The following GRM7 variants were observed in gnomAD, a reference collection of about 807,000 sequenced individuals.
The protein encoded by GRM7 is metabotropic glutamate receptor 7.
Under a neutral mutation model 84.5 loss-of-function variants are expected in GRM7, and 35 were observed. The ratio of observed to expected loss-of-function variants is 0.41; its 90% CI spans 0.32 to 0.55. GRM7 has a LOEUF of 0.55. Ranked by LOEUF, GRM7 falls within the 20% of genes least tolerant of loss-of-function variation. GRM7 has a pLI of 0.19. For missense variants in GRM7, 1,003 were observed against 1,194.6 expected (o/e 0.84, Z 2.36); for synonymous variants, 487 against 455.1 (o/e 1.07, Z -0.89).
intron 1 of GRM7, among the ~76,000 whole-genome samples, chr3:6,968,621 T>C (rs1274323520): frequency 6.6e-6 from 1 of 152,204 alleles, no homozygotes; most frequent in African/African-American, 2.4e-5. Flanking sequence ...TATTTTAATA[T>C]TTTGTTCTCA....
In GRM7 at chr3:7,277,078, G is replaced by C. The variant is rs6788291; in HGVS notation, c.737-21606G>C. 4.0e-3 allele frequency among the ~76,000 whole-genome samples: 608 copies of C among 151,852 alleles called. 5 individuals are homozygous for C. The highest frequency in any genetic ancestry group is 0.014 in the African/African-American group (571 of 41,410). On this transcript the variant is annotated intron_variant, in intron 2 of 9. Transcript: ENST00000357716. ...TCACATGATGGAACTATTGCACATA[G>C]CCACCATTTAAATGGTTTCAGCATG...
intron 7 of GRM7, among the ~76,000 whole-genome samples, chr3:7,477,759 C>G (rs932180635): frequency 1.3e-5 from 2 of 152,122 alleles, no homozygotes; most frequent in African/African-American, 4.8e-5. Flanking sequence ...CTAGCCATTT[C>G]TCATGGGATT....
intron 1 of GRM7, among the ~76,000 whole-genome samples, chr3:6,883,024 A>G (rs867978573): frequency 6.6e-6 from 1 of 152,214 alleles, no homozygotes; most frequent in African/African-American, 2.4e-5. Flanking sequence ...TTACCTTTCT[A>G]TCAGCAATTT....
chr3:7,546,584 C>G (rs1693163767), intron 7 of GRM7, among the ~76,000 whole-genome samples: 1 of 152,328 alleles, frequency 6.6e-6, no homozygotes, highest in South Asian at 2.1e-4. Flanking sequence ...CCTTGGCTTG[C>G]CCAAGAGAAT....
At chr3:7,072,569 C>T (rs1697922112) in intron 1 of GRM7, among the ~76,000 whole-genome samples, 1 of 151,940 alleles carries the variant, frequency 6.6e-6, no homozygotes, top group Admixed American at 6.6e-5. Flanking sequence ...TACCTGCAGT[C>T]CCAGCTATTC....
chr3:7,322,426 G>C (rs1187276295), intron 4 of GRM7, among the ~76,000 whole-genome samples: 1 of 151,694 alleles, frequency 6.6e-6, no homozygotes, highest in African/African-American at 2.4e-5. Flanking sequence ...TAGTTTTTGG[G>C]GAACAGGTTT....
At chr3:7,340,044 C>G (rs573948380) in intron 4 of GRM7, among the ~76,000 whole-genome samples, 4 of 152,042 alleles carry the variant, frequency 2.6e-5, no homozygotes, top group African/African-American at 9.7e-5. Flanking sequence ...TATATTTCTT[C>G]TAACACTCAA....
chr3:7,426,098 C>G (rs12494169), intron 5 of GRM7, among the ~76,000 whole-genome samples: 77 of 74,862 alleles, frequency 1.0e-3, no homozygotes, highest in Non-Finnish European at 2.2e-3. Flanking sequence ...ATCATACGTT[C>G]TTTCTTTCTT....
intron 1 of GRM7, among the ~76,000 whole-genome samples, chr3:6,930,835 A>G (rs1697474175): frequency 1.3e-5 from 2 of 152,194 alleles, no homozygotes; most frequent in Non-Finnish European, 2.9e-5. Context: ...GTCTTTTCCT[A>G]TATTTTTGAG....
chr3:7,320,000 T>C (rs990000460), intron 4 of GRM7, among the ~76,000 whole-genome samples: 2 of 152,082 alleles, frequency 1.3e-5, no homozygotes, highest in Non-Finnish European at 2.9e-5. Flanking sequence ...TTCCATTTCC[T>C]GTCACTAATT....
At chr3:7,228,613 A>C (rs886566868) in intron 2 of GRM7, among the ~76,000 whole-genome samples, 1 of 152,316 alleles carries the variant, frequency 6.6e-6, no homozygotes, top group Middle Eastern at 3.4e-3. Context: ...ATACGGATAA[A>C]GAGAATTCTG....
chr3:7,671,403 C>G (rs541660803), intron 8 of GRM7, among the ~76,000 whole-genome samples: 2 of 152,236 alleles, frequency 1.3e-5, no homozygotes, highest in South Asian at 2.1e-4. Flanking sequence ...GAGCACAGCA[C>G]TGAGATGCAG....
chr3:7,457,939 C>T (rs1203729309), intron 6 of GRM7, among the ~76,000 whole-genome samples: 1 of 152,096 alleles, frequency 6.6e-6, no homozygotes, highest in Non-Finnish European at 1.5e-5. Context: ...GAGCTCTGAC[C>T]AAATTACAAA....
intron 1 of GRM7, among the ~76,000 whole-genome samples, chr3:6,872,442 A>T (rs1430652085): frequency 1.3e-5 from 2 of 151,924 alleles, no homozygotes; most frequent in African/African-American, 2.4e-5. Context: ...GAGTGCAAGG[A>T]TGGCTTACGG....
At chr3:7,614,721 A>G (rs976520553) in intron 8 of GRM7, among the ~76,000 whole-genome samples, 1 of 152,208 alleles carries the variant, frequency 6.6e-6, no homozygotes, top group African/African-American at 2.4e-5. Context: ...TACAATATAC[A>G]GGCATTCTTG....
intron 2 of GRM7, among the ~76,000 whole-genome samples, chr3:7,259,992 G>T (rs1698358885): frequency 8.5e-6 from 1 of 116,962 alleles, no homozygotes; most frequent in South Asian, 2.6e-4. Flanking sequence ...CCATCTGGGT[G>T]GGTGTGAGAT....
chr3:7,664,125 G>A (rs970093708), intron 8 of GRM7, among the ~76,000 whole-genome samples: 4 of 152,074 alleles, frequency 2.6e-5, no homozygotes, highest in African/African-American at 9.7e-5. Context: ...TATGTAAAAT[G>A]GTCATTTCTT....
intron 2 of GRM7, among the ~76,000 whole-genome samples, chr3:7,249,757 T>C (rs1697909563): frequency 6.6e-6 from 1 of 152,184 alleles, no homozygotes. Flanking sequence ...TGTTACAATA[T>C]AGATATAGCT....
chr3:7,134,432 A>ATCATCATCATCATCATCG (rs772999855), intron 1 of GRM7, among the ~76,000 whole-genome samples: 4 of 78,918 alleles, frequency 5.1e-5, no homozygotes, highest in Non-Finnish European at 1.1e-4. Flanking sequence ...CATCATCGTC[A>ATCATCATCATCATCATCG]TCATCATCAT....
Sources: gnomAD v4.1 joint callset for allele counts (sites outside exome capture counted in the v4.1 genomes callset) on GRCh38, gnomAD v4.1.1 for gene constraint, MANE v1.5 for transcripts, NCBI Gene and HGNC (gene_info 2026-07-23, HGNC 2026-07-21) for gene names.